Variants in AKAP19 observed in about 807,000 individuals in gnomAD.
AKAP19 encodes the protein small A-kinase anchoring protein.
the AKAP19 span, among the ~76,000 whole-genome samples, chr2:190,134,311 A>G: frequency 3.3e-5 from 5 of 152,146 alleles, no homozygotes; most frequent in Middle Eastern, 3.2e-3. Context: ...CCAGGGATGC[A>G]ATAGTTTTAT....
At chr2:190,194,965 T>C in the AKAP19 span, among the ~76,000 whole-genome samples, 144,722 of 152,194 alleles carry the variant, frequency 0.95, 69,240 homozygotes, top group East Asian at 1. Context: ...TGGGCCCAAG[T>C]GACCTCGGCT....
chr2:190,057,164 G>C, the AKAP19 span: 1 of 1,347,776 alleles, frequency 7.4e-7, no homozygotes, highest in African/African-American at 1.4e-5. Flanking sequence ...CATACTCTAG[G>C]CCTATAGCCT....
chr2:190,200,592 CAT>C, the AKAP19 span: 1 of 181,012 alleles, frequency 5.5e-6, no homozygotes, highest in Non-Finnish European at 1.3e-5. Flanking sequence ...GCACTCAAAT[CAT>C]AGTGATTAAC....
the AKAP19 span, among the ~76,000 whole-genome samples, chr2:189,931,529 T>A: frequency 6.6e-6 from 1 of 152,126 alleles, no homozygotes; most frequent in Non-Finnish European, 1.5e-5. Context: ...ACCTGGCTAA[T>A]TAAAAATTTT....
chr2:190,034,351 T>C, the AKAP19 span, among the ~76,000 whole-genome samples: 1 of 151,724 alleles, frequency 6.6e-6, no homozygotes, highest in African/African-American at 2.4e-5. Context: ...ATTTTTTTAA[T>C]CAATGATGGC....
the AKAP19 span, among the ~76,000 whole-genome samples, chr2:190,040,514 A>G: frequency 6.6e-6 from 1 of 152,070 alleles, no homozygotes; most frequent in Non-Finnish European, 1.5e-5. Context: ...AGAAGCTTTT[A>G]AGTTTAATTA....
chr2:190,163,766 G>GGCCC, the AKAP19 span, among the ~76,000 whole-genome samples: 1 of 152,162 alleles, frequency 6.6e-6, no homozygotes, highest in Admixed American at 6.5e-5. Context: ...AGTATAACTA[G>GGCCC]GCCCTTTGTT....
At chr2:190,057,489 G>A in the AKAP19 span, 9 of 1,613,322 alleles carry the variant, frequency 5.6e-6, no homozygotes, top group South Asian at 3.3e-5. Flanking sequence ...TTTTAGGAGC[G>A]ATAATCCAAT....
chr2:189,987,018 A>G, the AKAP19 span, among the ~76,000 whole-genome samples: 1 of 152,190 alleles, frequency 6.6e-6, no homozygotes. Context: ...ACTTTGATGT[A>G]GTTACTGGCA....
At chr2:190,127,209 A>C in the AKAP19 span, among the ~76,000 whole-genome samples, 2 of 149,578 alleles carry the variant, frequency 1.3e-5, no homozygotes, top group Non-Finnish European at 3.0e-5. Flanking sequence ...AAAAAAAAAT[A>C]AGACATCTGG....
the AKAP19 span, among the ~76,000 whole-genome samples, chr2:189,975,053 T>C: frequency 6.6e-6 from 1 of 152,230 alleles, no homozygotes; most frequent in Non-Finnish European, 1.5e-5. Flanking sequence ...TGCTCGTTAG[T>C]AGATGCAGTT....
the AKAP19 span, among the ~76,000 whole-genome samples, chr2:190,066,722 G>T: frequency 1.3e-5 from 2 of 152,098 alleles, no homozygotes; most frequent in Admixed American, 1.3e-4. Flanking sequence ...GGAATAGAAG[G>T]CAGGAGACCC....
At chr2:190,152,279 G>C in the AKAP19 span, among the ~76,000 whole-genome samples, 4 of 152,046 alleles carry the variant, frequency 2.6e-5, no homozygotes, top group African/African-American at 9.7e-5. Context: ...TCAAATTGTT[G>C]CTCCATTTGG....
the AKAP19 span, among the ~76,000 whole-genome samples, chr2:190,092,403 A>G: frequency 1.6e-4 from 24 of 151,908 alleles, no homozygotes; most frequent in Admixed American, 4.6e-4. Context: ...CTTATGTTCT[A>G]TAAGTCCTGG....
chr2:190,107,834 G>T, the AKAP19 span, among the ~76,000 whole-genome samples: 1 of 152,148 alleles, frequency 6.6e-6, no homozygotes, highest in Non-Finnish European at 1.5e-5. Context: ...TTTATGTTTG[G>T]ACTAGACTAC....
At chr2:189,926,239 C>T in the AKAP19 span, among the ~76,000 whole-genome samples, 1 of 152,188 alleles carries the variant, frequency 6.6e-6, no homozygotes, top group Non-Finnish European at 1.5e-5. Context: ...ACAATATGTT[C>T]CATCTCTGCA....
the AKAP19 span, among the ~76,000 whole-genome samples, chr2:190,029,824 A>G: frequency 6.6e-6 from 1 of 152,196 alleles, no homozygotes. Flanking sequence ...ACACACACGT[A>G]CACACCCATG....
the AKAP19 span, among the ~76,000 whole-genome samples, chr2:190,195,511 T>A: frequency 6.6e-6 from 1 of 152,236 alleles, no homozygotes; most frequent in East Asian, 1.9e-4. Flanking sequence ...AATGACATGA[T>A]GTTGAACACT....
the AKAP19 span, among the ~76,000 whole-genome samples, chr2:189,918,288 G>A: frequency 6.6e-6 from 1 of 151,730 alleles, no homozygotes; most frequent in African/African-American, 2.4e-5. Flanking sequence ...ATATTCCAAG[G>A]TTTCCTCTTT....
Sources: gnomAD v4.1 joint callset for allele counts (sites outside exome capture counted in the v4.1 genomes callset) on GRCh38, gnomAD v4.1.1 for gene constraint, MANE v1.5 for transcripts, NCBI Gene and HGNC (gene_info 2026-07-23, HGNC 2026-07-21) for gene names.